Variants in ASMTL observed in about 807,000 individuals in gnomAD.
The protein encoded by ASMTL is acetylserotonin O-methyltransferase like.
A neutral mutation model predicts 60.3 loss-of-function variants in ASMTL; 57 were observed. The observed-to-expected ratio is 0.95, with a 90% confidence interval of 0.76 to 1.18. The LOEUF is 1.18. ASMTL is among the 50% of genes most tolerant of loss of function. The probability of loss-of-function intolerance (pLI) is 0.00; values close to 1 mark genes in which losing one functional copy is unlikely to be tolerated. For missense variants in ASMTL, 981 were observed against 852.6 expected (o/e 1.15, Z -1.88); for synonymous variants, 419 against 373.0 (o/e 1.12, Z -1.42).
intron 1 of ASMTL, among the ~76,000 whole-genome samples, chrX:1,450,619 T>C (rs1300600601): frequency 4.7e-4 from 47 of 100,070 alleles, no homozygotes; most frequent in Non-Finnish European, 7.0e-4. Context: ...TCCCTAGGGG[T>C]TCTGGGTCAC....
chrX:1,428,115 T>C lies in ASMTL; in HGVS notation c.516A>G (p.Lys172=). The change falls in exon 7 of 13, where the codon AAA becomes AAG. Residue 172 remains lysine, a synonymous_variant. Transcript: ENST00000381317. ...EYVHSGEPMD[K]AGGYGIQALG... is the part of the protein sequence containing the mutation. The stretch of plus-strand genomic sequence containing the variant: ...GGGCCTGGATCCCGTAGCCGCCAGC[T>C]TTGTCCCTGGGTGGGCAGGGGAAGG... 2 of 1,602,598 alleles carry C rather than the reference T, an allele frequency of 1.2e-6. No homozygotes were observed. The highest frequency in any genetic ancestry group is 2.2e-5 in the East Asian group (1 of 44,556).
intron 11 of ASMTL, among the ~76,000 whole-genome samples, chrX:1,416,178 C>T (rs1366491560): frequency 1.5e-4 from 22 of 146,344 alleles, no homozygotes; most frequent in Non-Finnish European, 3.1e-4. Context: ...GATATAGCGA[C>T]AGGCACACAC....
chrX:1,419,331 C>T (rs1487480826), intron 9 of ASMTL, among the ~76,000 whole-genome samples: 2 of 152,124 alleles, frequency 1.3e-5, no homozygotes, highest in Non-Finnish European at 2.9e-5. Flanking sequence ...AAGTGGTGGA[C>T]GATCTCCTTG....
At chrX:1,436,245 C>G (rs2090960381) in intron 3 of ASMTL, among the ~76,000 whole-genome samples, 1 of 152,242 alleles carries the variant, frequency 6.6e-6, no homozygotes, top group Non-Finnish European at 1.5e-5. Context: ...ACGGTCTTGG[C>G]TCACTGCAAC....
At chrX:1,441,952 C>T in intron 2 of ASMTL, 1 of 528,056 alleles carries the variant, frequency 1.9e-6, no homozygotes, top group Non-Finnish European at 3.4e-6. Context: ...GTATCAATTG[C>T]AAGAGAATAT....
intron 3 of ASMTL, 21 bp from the exon 4 acceptor site, chrX:1,435,779 G>C: frequency 1.9e-6 from 3 of 1,610,882 alleles, no homozygotes; most frequent in Non-Finnish European, 2.5e-6. Context: ...AAGGGACAGA[G>C]GGAGTTGGTT....
upstream of ASMTL, chrX:1,452,918 A>AT (rs1447765880): frequency 4.2e-6 from 5 of 1,203,562 alleles, no homozygotes; most frequent in Admixed American, 2.8e-5. Flanking sequence ...TGCAAAAAAA[A>AT]CAGGCGGCCA....
At chrX:1,446,751 G>A (rs764963980) in intron 1 of ASMTL, among the ~76,000 whole-genome samples, 6 of 152,104 alleles carry the variant, frequency 3.9e-5, no homozygotes, top group Admixed American at 2.0e-4. Context: ...CGCCAACCTC[G>A]GCCTCCCAAA....
chrX:1,433,306 G>A (rs1213812964), intron 5 of ASMTL, among the ~76,000 whole-genome samples: 1 of 151,824 alleles, frequency 6.6e-6, no homozygotes, highest in Non-Finnish European at 1.5e-5. Context: ...GGGAACAGGG[G>A]GAGGGGGCTG....
chrX:1,410,350 G>A (rs1199756695), intron 12 of ASMTL, among the ~76,000 whole-genome samples: 2 of 151,688 alleles, frequency 1.3e-5, no homozygotes, highest in Non-Finnish European at 2.9e-5. Context: ...AGGCTGCAGT[G>A]AACTATGATG....
At position 1,417,806 on chromosome X, in the gene ASMTL, GAGAGAC is replaced by G. The variant is rs1183277812; in HGVS notation, c.1522+161_1522+166del. On this transcript the variant is annotated intron_variant, in intron 11 of 12. Coordinates refer to ENST00000381317, the MANE Select transcript of ASMTL (RefSeq NM_004192.4). ...AGGGCATACCACACACATGCACACAGAGAGACACACACACACAAGCACCGTAGACAG... is the reference window on the plus strand; with the variant it reads ...AGGGCATACCACACACATGCACACAGACACACACACAAGCACCGTAGACAG... 6.5e-3 allele frequency: 318 copies of G among 49,112 alleles called. 5 individuals are homozygous for G. Among genetic ancestry groups the G allele is most frequent in the South Asian group, 0.041 (17 of 410 alleles). 3.0% of individuals were successfully genotyped at this position (49,112 alleles called of 1,614,324 possible). A position where few individuals can be genotyped will look rare whatever the true frequency, so the allele number is the denominator to read the frequency against.
At chrX:1,446,263 C>G (rs1174035015) in intron 1 of ASMTL, among the ~76,000 whole-genome samples, 1 of 152,130 alleles carries the variant, frequency 6.6e-6, no homozygotes, top group Non-Finnish European at 1.5e-5. Flanking sequence ...CCTTACCTAT[C>G]ATTGGAGATG....
chrX:1,416,712 A>T lies in ASMTL; in HGVS notation c.1522+1261T>A, dbSNP rs771869694. 5.7e-3 allele frequency among the ~76,000 whole-genome samples: 856 copies of T among 148,988 alleles called. 8 individuals are homozygous for T. Among genetic ancestry groups the T allele is most frequent in the African/African-American group, 0.019 (785 of 40,626 alleles). The stretch of plus-strand genomic sequence containing the variant: ...CAGACACAGAGACACATTCTTACGC[A>T]CGCACACACAAGGACATACCACACA... On this transcript the variant is annotated intron_variant, in intron 11 of 12. Coordinates refer to ENST00000381317, the MANE Select transcript of ASMTL (RefSeq NM_004192.4).
At chrX:1,450,817 A>C (rs1437968003) in intron 1 of ASMTL, among the ~76,000 whole-genome samples, 290 of 31,882 alleles carry the variant, frequency 9.1e-3, no homozygotes, top group African/African-American at 0.012. Flanking sequence ...TTCCCCACCC[A>C]CATCCCTAGG....
intron 7 of ASMTL, 22 bp from the exon 8 acceptor site, chrX:1,425,709 A>G (rs762574426): frequency 3.8e-5 from 61 of 1,610,572 alleles, no homozygotes; most frequent in Admixed American, 2.0e-4. Flanking sequence ...AAGTGCAGAG[A>G]GACTCATTAA....
At chrX:1,432,163 G>C (rs1208036859) in intron 6 of ASMTL, 106 bp downstream of exon 6, 3 of 906,358 alleles carry the variant, frequency 3.3e-6, no homozygotes, top group African/African-American at 3.3e-5. Context: ...ACGGCCCCCG[G>C]AGCGGGGCCT....
At chrX:1,406,332 GATGGATTC>G (rs1240183670) in intron 12 of ASMTL, among the ~76,000 whole-genome samples, 2 of 151,428 alleles carry the variant, frequency 1.3e-5, no homozygotes, top group African/African-American at 4.9e-5. Flanking sequence ...TAGATGGATG[GATGGATTC>G]ATGGATGAGA....
chrX:1,453,417 C>T (rs1229267588), upstream of ASMTL, among the ~76,000 whole-genome samples: 260 of 151,766 alleles, frequency 1.7e-3, 2 homozygotes, highest in African/African-American at 6.0e-3. Flanking sequence ...CGGGCCCCGT[C>T]CCCGCCCCCG....
At chrX:1,427,641 C>G in intron 7 of ASMTL, 93 bp downstream of exon 7, 1 of 1,372,752 alleles carries the variant, frequency 7.3e-7, no homozygotes. Context: ...AGACTGCCAG[C>G]CTCCAGGACA....
Sources: allele counts gnomAD v4.1 joint callset (sites outside exome capture counted in the v4.1 genomes callset), GRCh38; gene constraint gnomAD v4.1.1; transcripts MANE v1.5; gene names NCBI Gene and HGNC (gene_info 2026-07-23, HGNC 2026-07-21).